RSRC1: variants seen among roughly 807,000 people sequenced by gnomAD.
The protein encoded by RSRC1 is arginine and serine rich coiled-coil 1, also known as serine/Arginine-related protein 53.
In RSRC1, 39 loss-of-function variants were observed where a neutral mutation model predicts 49.1. The ratio of observed to expected loss-of-function variants is 0.79; its 90% CI spans 0.61 to 1.04. The LOEUF (loss-of-function observed/expected upper bound fraction) is 1.04, where lower values mean the gene tolerates loss of function less well. Ranked by LOEUF, RSRC1 falls within the 50% of genes least tolerant of loss-of-function variation. The pLI, the probability that RSRC1 is intolerant of heterozygous loss-of-function variation, is 0.00. For synonymous variants in RSRC1, 143 were observed against 130.8 expected (o/e 1.09, Z -0.63); for missense variants, 388 against 402.4 (o/e 0.96, Z 0.31).
At chr3:158,415,858 T>A in intron 6 of RSRC1, among the ~76,000 whole-genome samples, 1 of 152,206 alleles carries the variant, frequency 6.6e-6, no homozygotes, top group Non-Finnish European at 1.5e-5. Context: ...CTTTAAGATA[T>A]GTAATTTGAA....
intron 5 of RSRC1, among the ~76,000 whole-genome samples, chr3:158,347,765 G>A (rs1286709784): frequency 6.6e-6 from 1 of 152,016 alleles, no homozygotes; most frequent in African/African-American, 2.4e-5. Flanking sequence ...TATTGCCCAG[G>A]CTGGTCTTGA....
intron 3 of RSRC1, among the ~76,000 whole-genome samples, chr3:158,149,341 T>C (rs1325902161): frequency 6.6e-6 from 1 of 152,204 alleles, no homozygotes; most frequent in East Asian, 1.9e-4. Context: ...ACTCAACTAA[T>C]AATTCTTATA....
At chr3:158,162,751 TTA>T (rs1031013522) in intron 3 of RSRC1, among the ~76,000 whole-genome samples, 5 of 152,188 alleles carry the variant, frequency 3.3e-5, no homozygotes, top group African/African-American at 1.2e-4. Flanking sequence ...AGTCAGGTAA[TTA>T]TAGAAAGCTT....
chr3:158,506,649 CCGTTACTGAAAAGACA>C (rs1739873004), intron 7 of RSRC1, among the ~76,000 whole-genome samples: 1 of 151,430 alleles, frequency 6.6e-6, no homozygotes, highest in South Asian at 2.1e-4. Context: ...GTTAAAATGG[CCGTTACTGAAAAGACA>C]AAAATTAGTG....
intron 6 of RSRC1, among the ~76,000 whole-genome samples, chr3:158,433,258 T>C (rs1735875990): frequency 6.6e-6 from 1 of 151,988 alleles, no homozygotes; most frequent in South Asian, 2.1e-4. Context: ...TAGTCATCAG[T>C]ATTTATATTG....
chr3:158,444,554 C>G (rs1035234135), intron 6 of RSRC1, among the ~76,000 whole-genome samples: 6 of 152,030 alleles, frequency 3.9e-5, no homozygotes, highest in Non-Finnish European at 8.8e-5. Flanking sequence ...CCATAAAAAC[C>G]CTAGAAGAAA....
At chr3:158,494,047 A>T (rs147400535) in intron 7 of RSRC1, among the ~76,000 whole-genome samples, 1 of 152,320 alleles carries the variant, frequency 6.6e-6, no homozygotes, top group East Asian at 1.9e-4. Flanking sequence ...AAGCAATGAA[A>T]TTATTGAAAT....
intron 6 of RSRC1, among the ~76,000 whole-genome samples, chr3:158,403,829 C>T (rs1202639494): frequency 1.3e-5 from 2 of 151,376 alleles, no homozygotes; most frequent in South Asian, 4.2e-4. Context: ...CATAGCAATT[C>T]GTTATATAAA....
chr3:158,324,977 G>A (rs111239984), intron 5 of RSRC1, among the ~76,000 whole-genome samples: 5 of 152,298 alleles, frequency 3.3e-5, no homozygotes, highest in South Asian at 2.1e-4. Context: ...TTTCTCTGAT[G>A]GCCAGTGATG....
At chr3:158,157,970 T>C (rs1717983344) in intron 3 of RSRC1, among the ~76,000 whole-genome samples, 1 of 152,072 alleles carries the variant, frequency 6.6e-6, no homozygotes, top group South Asian at 2.1e-4. Context: ...TTGGTTTTAC[T>C]GATTTTTTTT....
chr3:158,257,124 G>A (rs1724611838), intron 4 of RSRC1, among the ~76,000 whole-genome samples: 2 of 151,976 alleles, frequency 1.3e-5, no homozygotes, highest in Admixed American at 1.3e-4. Context: ...GCTTTTGAAT[G>A]TGTTTGCTCT....
At chr3:158,195,794 C>G (rs1578185283) in intron 3 of RSRC1, among the ~76,000 whole-genome samples, 4 of 152,086 alleles carry the variant, frequency 2.6e-5, no homozygotes, top group Non-Finnish European at 5.9e-5. Context: ...TTTGGTCAAA[C>G]ATCAGATAGT....
intron 1 of RSRC1, among the ~76,000 whole-genome samples, chr3:158,121,025 G>A (rs1168347787): frequency 6.6e-6 from 1 of 151,548 alleles, no homozygotes; most frequent in African/African-American, 2.4e-5. Flanking sequence ...AAATGTCCGT[G>A]TTACCATAAC....
At chr3:158,355,473 A>G (rs1731105430) in intron 6 of RSRC1, among the ~76,000 whole-genome samples, 1 of 151,944 alleles carries the variant, frequency 6.6e-6, no homozygotes, top group Non-Finnish European at 1.5e-5. Flanking sequence ...ATTGTTCTAA[A>G]GAAAATGAGA....
intron 6 of RSRC1, among the ~76,000 whole-genome samples, chr3:158,442,694 G>A (rs1190081071): frequency 6.6e-6 from 1 of 152,046 alleles, no homozygotes; most frequent in Non-Finnish European, 1.5e-5. Flanking sequence ...CATTTAGAAT[G>A]GCAAAATCCT....
chr3:158,222,751 C>G (rs1384611506), intron 4 of RSRC1, among the ~76,000 whole-genome samples: 1 of 151,486 alleles, frequency 6.6e-6, no homozygotes, highest in East Asian at 1.9e-4. Context: ...TCATTCTTTT[C>G]TGTGTCAATG....
intron 6 of RSRC1, among the ~76,000 whole-genome samples, chr3:158,404,311 C>A (rs373687863): frequency 2.6e-5 from 4 of 152,014 alleles, no homozygotes. Context: ...ACTGACACAT[C>A]CATTGCTGAC....
At chr3:158,403,967 A>G (rs1281001400) in intron 6 of RSRC1, among the ~76,000 whole-genome samples, 1 of 151,868 alleles carries the variant, frequency 6.6e-6, no homozygotes, top group Non-Finnish European at 1.5e-5. Flanking sequence ...AATAAATGTC[A>G]ACCAAGATAA....
chr3:158,204,480 A>G (rs2108281105), intron 4 of RSRC1, among the ~76,000 whole-genome samples: 1 of 152,184 alleles, frequency 6.6e-6, no homozygotes, highest in South Asian at 2.1e-4. Context: ...GTTACAGGAG[A>G]GGAGTTAGAA....
Sources: allele counts gnomAD v4.1 joint callset (sites outside exome capture counted in the v4.1 genomes callset), GRCh38; gene constraint gnomAD v4.1.1; transcripts MANE v1.5; gene names NCBI Gene and HGNC (gene_info 2026-07-23, HGNC 2026-07-21).